The following ATP5IF1 variants were observed in gnomAD, a reference collection of about 807,000 sequenced individuals.
The protein encoded by ATP5IF1 is ATPase inhibitor, mitochondrial.
A neutral mutation model predicts 8.5 loss-of-function variants in ATP5IF1; 12 were observed. That is an observed-to-expected ratio of 1.41 (90% confidence interval 0.90 to 2.28). The LOEUF is 2.28. ATP5IF1 is among the 30% of genes most tolerant of loss of function. The pLI, the probability that ATP5IF1 is intolerant of heterozygous loss-of-function variation, is 0.00. For missense variants in ATP5IF1, 154 were observed against 140.2 expected, an observed-to-expected ratio of 1.10 and a Z score of -0.50; for synonymous variants, 51 against 53.4, an observed-to-expected ratio of 0.96 and a Z score of 0.19.
Position 28,236,225 on chromosome 1 carries a change from G to A in ATP5IF1, c.42G>A (p.Val14=), listed in dbSNP as rs1647033253. 1 of 1,613,892 alleles carries A rather than the reference G, an allele frequency of 6.2e-7. No homozygotes were observed. Among genetic ancestry groups the A allele is most frequent in the Non-Finnish European group, 8.5e-7 (1 of 1,179,998 alleles). Residue 14 remains valine, a synonymous_variant, in exon 1 of 3, where the codon GTG becomes GTA. Transcript: ENST00000335514. The stretch of plus-strand genomic sequence containing the variant: ...TGGCGGCGCGGACGTGGCTTGGCGT[G>A]TGGGGCGTGAGGACCATGCAAGCCC... ...TALAARTWLG[V]WGVRTMQARG...
chr1:28,237,708 A>C, intron 2 of ATP5IF1, 129 bp from the exon 3 acceptor site: 2 of 1,608,734 alleles, frequency 1.2e-6, no homozygotes, highest in East Asian at 4.5e-5. Flanking sequence ...GAGGAGTAGA[A>C]GAGGATGACC....
intron 2 of ATP5IF1, 107 bp downstream of exon 2, chr1:28,236,559 AT>A: frequency 6.4e-7 from 1 of 1,562,212 alleles, no homozygotes; most frequent in Non-Finnish European, 8.7e-7. Context: ...TGGGCGCCCC[AT>A]CCCCCAACAG....
chr1:28,236,539 C>T (rs529025898), intron 2 of ATP5IF1, 87 bp downstream of exon 2: 54 of 1,592,600 alleles, frequency 3.4e-5, no homozygotes, highest in Non-Finnish European at 4.3e-5. Flanking sequence ...CCCGTTCCTA[C>T]CTGGTGCCTT....
rs1220743990 is a variant in ATP5IF1, at chr1:28,237,984, C to G, written c.*6C>G. ...TGCTAAAACATGATGATTAAGTGCA[C>G]ACCGTGTGCCATAGAATGGCACATG... On this transcript the variant is annotated 3_prime_UTR_variant, in exon 3 of 3. Transcript: ENST00000335514. 1.2e-6 allele frequency: 2 copies of G among 1,606,236 alleles called. No homozygotes were observed. The highest frequency in any genetic ancestry group is 1.7e-6 in the Non-Finnish European group (2 of 1,178,902).
At position 28,236,173 on chromosome 1, in the gene ATP5IF1, C is replaced by G; in HGVS notation, c.-11C>G. ...TGCGGCAGAGACGCCAGAGGTGCAG[C>G]TCCAGCAGCAATGGCAGTGACGGCG... On this transcript the variant is annotated 5_prime_UTR_variant, in exon 1 of 3. Coordinates refer to ENST00000335514, the MANE Select transcript of ATP5IF1 (RefSeq NM_016311.5). 1 of 1,612,300 alleles carries G rather than the reference C, an allele frequency of 6.2e-7. No homozygotes were observed. Among genetic ancestry groups the G allele is most frequent in the Non-Finnish European group, 8.5e-7 (1 of 1,179,926 alleles).
At chr1:28,236,293 G>A (rs1230633045) in intron 1 of ATP5IF1, 23 bp downstream of exon 1, 2 of 1,614,206 alleles carry the variant, frequency 1.2e-6, no homozygotes, top group Admixed American at 1.7e-5. Flanking sequence ...AGTGTCCGCT[G>A]CTCCAGCCCC....
At position 28,237,584 on chromosome 1, in the gene ATP5IF1, T is replaced by C. The variant is rs780773256; in HGVS notation, c.180-253T>C. ...CCCCTCATAAGGTATTAGGGACTTG[T>C]GTCACATCTCTCTGGAGTTTTCTAT... On this transcript the variant is annotated intron_variant, in intron 2 of 2. Coordinates refer to ENST00000335514, the MANE Select transcript of ATP5IF1 (RefSeq NM_016311.5). The C allele has an allele frequency of 4.1e-6, 6 of 1,447,972 alleles. No homozygotes were observed. In the East Asian group the frequency reaches 1.2e-4, roughly 30 times the overall value. The allele number at this position is 1,447,972 out of a possible 1,614,324, so 89.7% of individuals were successfully genotyped here. A position where few individuals can be genotyped will look rare whatever the true frequency, so the allele number is the denominator to read the frequency against.
rs748357683 is a variant in ATP5IF1, at chr1:28,236,139, A to C, written c.-45A>C. The C allele has an allele frequency of 1.2e-6, 2 of 1,604,650 alleles. No individual in the cohort carries two copies. Among genetic ancestry groups the C allele is most frequent in the Non-Finnish European group, 8.5e-7 (1 of 1,178,624 alleles). The stretch of plus-strand genomic sequence containing the variant: ...CCCTGCCATTAGCGCGTAACGAGAG[A>C]CTGCTTGCTGCGGCAGAGACGCCAG... On this transcript the variant is annotated 5_prime_UTR_variant, in exon 1 of 3. Coordinates refer to ENST00000335514, the MANE Select transcript of ATP5IF1 (RefSeq NM_016311.5).
intron 2 of ATP5IF1, chr1:28,237,597 T>C: frequency 6.9e-7 from 1 of 1,456,504 alleles, no homozygotes; most frequent in South Asian, 1.5e-5. Context: ...CACATCTCTC[T>C]GGAGTTTTCT....
Position 28,236,254 on chromosome 1 carries a change from G to T in ATP5IF1, c.71G>T (p.Gly24Val). ...VWGVRTMQAR[G>V]FGSDQSENVD... is the part of the protein sequence containing the mutation. ...GGCGTGAGGACCATGCAAGCCCGAG[G>T]CTTCGGCTCGGATCAGGTACGCTGC... The change falls in exon 1 of 3, where the codon GGC (glycine) becomes GTC (valine). Residue 24 changes from glycine to valine, a missense_variant. Coordinates refer to ENST00000335514, the MANE Select transcript of ATP5IF1 (RefSeq NM_016311.5). 6.2e-7 allele frequency: 1 copy of T among 1,614,076 alleles called. No individual in the cohort carries two copies. The highest frequency in any genetic ancestry group is 8.5e-7 in the Non-Finnish European group (1 of 1,180,012).
chr1:28,236,351 CT>C lies in ATP5IF1; in HGVS notation c.88-9del. ...TCCGTACCTTTACCAGTGTCCCTGTCTCTCTGCAGTCCGAGAATGTCGACCG... is the reference window on the plus strand; with the variant it reads ...TCCGTACCTTTACCAGTGTCCCTGTCCTCTGCAGTCCGAGAATGTCGACCG... On this transcript the variant is annotated splice_polypyrimidine_tract_variant and intron_variant, in intron 1 of 2. Transcript: ENST00000335514. 1 of 1,614,244 alleles carries C rather than the reference CT, an allele frequency of 6.2e-7. No homozygotes were observed. Among genetic ancestry groups the C allele is most frequent in the Non-Finnish European group, 8.5e-7 (1 of 1,180,030 alleles).
rs1437881317 is a variant in ATP5IF1, at chr1:28,237,664, C to A, written c.180-173C>A. ...CTTTGGTCTTCTTAAGATGGCTACA[C>A]CTCAATTTAAGATGGGGTATTCTTT... On this transcript the variant is annotated intron_variant, in intron 2 of 2. Coordinates refer to ENST00000335514, the MANE Select transcript of ATP5IF1 (RefSeq NM_016311.5). The A allele has an allele frequency of 1.9e-6, 3 of 1,552,808 alleles. No homozygotes were observed. The Admixed American group carries it at 6.1e-5, about 32-fold the overall frequency.
Position 28,238,004 on chromosome 1 carries a change from C to T in ATP5IF1, c.*26C>T. On this transcript the variant is annotated 3_prime_UTR_variant, in exon 3 of 3. Transcript: ENST00000335514. ...GTGCACACCGTGTGCCATAGAATGG[C>T]ACATGTCATTGCCCACTTCTGTGTA... The T allele has an allele frequency of 1.3e-6, 2 of 1,596,280 alleles. No homozygotes were observed. Among genetic ancestry groups the T allele is most frequent in the Non-Finnish European group, 1.7e-6 (2 of 1,174,276 alleles).
At chr1:28,237,452 T>G in intron 2 of ATP5IF1, 1 of 1,232,952 alleles carries the variant, frequency 8.1e-7, no homozygotes, top group South Asian at 2.0e-5. Context: ...TCTAGACAGA[T>G]TGGAATAGGA....
At chr1:28,236,907 T>A in intron 2 of ATP5IF1, 1 of 1,107,726 alleles carries the variant, frequency 9.0e-7, no homozygotes, top group Non-Finnish European at 1.1e-6. Flanking sequence ...TTTGCAAGCC[T>A]GCATGCATTC....
chr1:28,236,308 G>A (rs1647034635), intron 1 of ATP5IF1, 38 bp downstream of exon 1: 8 of 1,614,084 alleles, frequency 5.0e-6, no homozygotes, highest in African/African-American at 1.3e-5. Context: ...AGCCCCGCGG[G>A]CGGATCCCAT....
At chr1:28,236,550 G>C (rs1281075060) in intron 2 of ATP5IF1, 98 bp downstream of exon 2, 6 of 1,572,190 alleles carry the variant, frequency 3.8e-6, no homozygotes, top group Non-Finnish European at 4.3e-6. Flanking sequence ...CTGGTGCCTT[G>C]GGCGCCCCAT....
rs143516972 is a variant in ATP5IF1 at position 28,237,064 on chromosome 1, G to A, written c.179+612G>A. 3.1e-4 allele frequency: 310 copies of A among 998,206 alleles called. 2 individuals carry two copies. The African/African-American group carries it at 4.9e-3, about 16-fold the overall frequency. 61.8% of individuals were successfully genotyped at this position (998,206 alleles called of 1,614,324 possible). On this transcript the variant is annotated intron_variant, in intron 2 of 2. Transcript: ENST00000335514. The stretch of plus-strand genomic sequence containing the variant: ...CTAGACCTGTAGATTTCCCTCTCCT[G>A]CTTAGGAGTATGGAGTGGGCTGGGC...
chr1:28,236,787 C>T, intron 2 of ATP5IF1: 1 of 1,250,278 alleles, frequency 8.0e-7, no homozygotes, highest in Non-Finnish European at 1.0e-6. Context: ...AGATTCTTCG[C>T]ACAGTGTCTA....
Sources: gnomAD v4.1 joint callset for allele counts on GRCh38, gnomAD v4.1.1 for gene constraint, MANE v1.5 for transcripts, NCBI Gene and HGNC (gene_info 2026-07-23, HGNC 2026-07-21) for gene names.